The following EXOC6B variants were observed in gnomAD, a reference collection of about 807,000 sequenced individuals.
EXOC6B encodes exocyst complex component 6B.
Under a neutral mutation model 113.5 loss-of-function variants are expected in EXOC6B, and 54 were observed. The observed-to-expected ratio is 0.48, with a 90% confidence interval of 0.38 to 0.60. The LOEUF (loss-of-function observed/expected upper bound fraction) is 0.60. EXOC6B is among the 20% of genes least tolerant of loss of function. The probability of loss-of-function intolerance (pLI) is 0.00; values close to 1 mark genes in which losing one functional copy is unlikely to be tolerated. For missense variants in EXOC6B, 797 were observed against 977.5 expected (o/e 0.82, Z 2.46); for synonymous variants, 357 against 339.0 (o/e 1.05, Z -0.58).
intron 20 of EXOC6B, among the ~76,000 whole-genome samples, chr2:72,307,161 G>GTTTTTTTTTTTTTTTTTTTTTTTTTTTTT (rs1553371308): frequency 8.6e-5 from 11 of 128,484 alleles, no homozygotes; most frequent in African/African-American, 3.8e-4. Flanking sequence ...GTATAGTCCA[G>GTTTTTTTTTTTTTTTTTTTTTTTTTTTTT]TTTTTTTTTT....
chr2:72,366,626 C>T (rs1251675104), intron 19 of EXOC6B, among the ~76,000 whole-genome samples: 1 of 151,920 alleles, frequency 6.6e-6, no homozygotes, highest in Admixed American at 6.6e-5. Context: ...AAGAATCCCA[C>T]AGAAAAGACA....
chr2:72,397,655 T>TAA (rs1180249764), intron 18 of EXOC6B, among the ~76,000 whole-genome samples: 14 of 102,784 alleles, frequency 1.4e-4, no homozygotes, highest in African/African-American at 9.5e-4. Flanking sequence ...TAAAATAAAA[T>TAA]AAAATTATAT....
chr2:72,820,623 TC>T (rs1450247459), intron 1 of EXOC6B, among the ~76,000 whole-genome samples: 1 of 152,020 alleles, frequency 6.6e-6, no homozygotes, highest in Non-Finnish European at 1.5e-5. Flanking sequence ...CTAGCAAAAA[TC>T]ACATAAACTC....
chr2:72,324,869 T>C (rs1406983822), intron 20 of EXOC6B, among the ~76,000 whole-genome samples: 1 of 152,034 alleles, frequency 6.6e-6, no homozygotes, highest in Non-Finnish European at 1.5e-5. Context: ...TCTTTCTTCA[T>C]ACCTAAGGGG....
rs565236018 is a variant in EXOC6B, at chr2:72,378,259, C to A, written c.2122+1470G>T. On this transcript the variant is annotated intron_variant, in intron 19 of 21. Coordinates refer to ENST00000272427, the MANE Select transcript of EXOC6B (RefSeq NM_015189.3). ...CCAGTGCTGATTAATAGAACTACTT[C>A]TTTGAACAACTCCTTGCTCTCTGGT... Among the ~76,000 whole-genome samples the A allele has an allele frequency of 3.6e-4, 55 of 152,332 alleles. 1 individual carries two copies. In the South Asian group the frequency reaches 0.011, roughly 31 times the overall value.
chr2:72,322,004 T>C lies in EXOC6B; in HGVS notation c.2196+12943A>G, dbSNP rs1012357946. 4.6e-5 allele frequency among the ~76,000 whole-genome samples: 7 copies of C among 152,114 alleles called. No individual in the cohort carries two copies. The East Asian group carries it at 1.2e-3, about 25-fold the overall frequency. On this transcript the variant is annotated intron_variant, in intron 20 of 21. Coordinates refer to ENST00000272427, the MANE Select transcript of EXOC6B (RefSeq NM_015189.3). ...GAATGGAAAATGGTACTTTGTAAAA[T>C]AGTTGGACATTTAAAAAAATTAAGT...
At position 72,305,662 on chromosome 2, in the gene EXOC6B, A is replaced by G. The variant is rs146716716; in HGVS notation, c.2196+29285T>C. On this transcript the variant is annotated intron_variant, in intron 20 of 21. Transcript: ENST00000272427. Reference sequence around the variant, plus strand: ...GTCTCTGTTTCTTCACTAACAAGACACAGATAATAATAGCTACCTCATGGA... The same window carrying G: ...GTCTCTGTTTCTTCACTAACAAGACGCAGATAATAATAGCTACCTCATGGA... Among the ~76,000 whole-genome samples, 198 of 152,338 alleles carry G rather than the reference A, an allele frequency of 1.3e-3. 1 individual carries two copies. Among genetic ancestry groups the G allele is most frequent in the African/African-American group, 4.6e-3 (192 of 41,580 alleles).
At chr2:72,734,793 A>C (rs1448850328) in intron 2 of EXOC6B, among the ~76,000 whole-genome samples, 3 of 152,194 alleles carry the variant, frequency 2.0e-5, no homozygotes, top group Admixed American at 6.5e-5. Context: ...AGAAGTGAAC[A>C]CATTTGCAGA....
chr2:72,207,573 G>T (rs1679911155), intron 20 of EXOC6B, among the ~76,000 whole-genome samples: 1 of 152,170 alleles, frequency 6.6e-6, no homozygotes, highest in Non-Finnish European at 1.5e-5. Context: ...TGATGATAAG[G>T]ATGATAATGG....
chr2:72,726,617 C>T (rs1041954610), intron 5 of EXOC6B, among the ~76,000 whole-genome samples: 2 of 152,052 alleles, frequency 1.3e-5, no homozygotes, highest in Non-Finnish European at 2.9e-5. Context: ...ATGTGTGGCA[C>T]TACACTATAT....
intron 17 of EXOC6B, among the ~76,000 whole-genome samples, chr2:72,470,671 T>C (rs572728798): frequency 4.5e-4 from 64 of 140,698 alleles, no homozygotes; most frequent in African/African-American, 1.5e-3. Flanking sequence ...CCTGTGTCCA[T>C]GTGTTCTCAT....
chr2:72,318,398 A>ATTTTTT (rs558172381), intron 20 of EXOC6B, among the ~76,000 whole-genome samples: 166 of 146,578 alleles, frequency 1.1e-3, no homozygotes, highest in African/African-American at 3.9e-3. Context: ...CTAGTTGTTA[A>ATTTTTT]TTTTTTTTTT....
chr2:72,567,815 A>G (rs190183457), intron 7 of EXOC6B, among the ~76,000 whole-genome samples: 1 of 152,240 alleles, frequency 6.6e-6, no homozygotes, highest in Admixed American at 6.5e-5. Context: ...ATGTGCCCAT[A>G]CTAACACTAC....
chr2:72,301,805 G>A (rs1470203134), intron 20 of EXOC6B, among the ~76,000 whole-genome samples: 1 of 152,062 alleles, frequency 6.6e-6, no homozygotes. Flanking sequence ...TAGATTTGTT[G>A]ATCCTGTGAA....
intron 20 of EXOC6B, among the ~76,000 whole-genome samples, chr2:72,209,223 C>CAAAAAAAAAAA (rs1170760516): frequency 2.3e-4 from 13 of 57,092 alleles, no homozygotes; most frequent in East Asian, 1.0e-3. Flanking sequence ...AACTCAGTCT[C>CAAAAAAAAAAA]AAAAAAAAAA....
rs1456777530 is a variant in EXOC6B at position 72,465,168 on chromosome 2, G to A, written c.1972C>T (p.His658Tyr). The change falls in exon 18 of 22, where the codon CAC becomes TAC. Residue 658 changes from histidine (H) to tyrosine (Y), a missense_variant. Coordinates refer to ENST00000272427, the MANE Select transcript of EXOC6B (RefSeq NM_015189.3). ...FLRSTFAVFTHLPGKVAQTAC... is the reference protein window; with the variant it reads ...FLRSTFAVFTYLPGKVAQTAC... ...AAGCAACTGCCACTTACAGGAAGGT[G>A]TGTGAATACAGCAAAGGTGCTACGA... The A allele has an allele frequency of 6.2e-7, 1 of 1,610,322 alleles. No homozygotes were observed. Among genetic ancestry groups the A allele is most frequent in the African/African-American group, 1.3e-5 (1 of 74,886 alleles).
chr2:72,519,653 G>A (rs369763706), intron 8 of EXOC6B, among the ~76,000 whole-genome samples: 2 of 152,040 alleles, frequency 1.3e-5, no homozygotes, highest in African/African-American at 2.4e-5. Context: ...CTCAGTATTC[G>A]CTCACTCAGT....
intron 18 of EXOC6B, among the ~76,000 whole-genome samples, chr2:72,405,996 G>A (rs1022865498): frequency 2.0e-5 from 3 of 152,104 alleles, no homozygotes; most frequent in Non-Finnish European, 4.4e-5. Context: ...CAAAATAAAG[G>A]GATGGAGGAA....
intron 20 of EXOC6B, among the ~76,000 whole-genome samples, chr2:72,316,528 G>A (rs998846595): frequency 5.3e-5 from 8 of 152,146 alleles, no homozygotes; most frequent in African/African-American, 1.9e-4. Flanking sequence ...GCAAGGAGTA[G>A]GAGGAAAATG....
Sources: allele counts gnomAD v4.1 joint callset (sites outside exome capture counted in the v4.1 genomes callset), GRCh38; gene constraint gnomAD v4.1.1; transcripts MANE v1.5; gene names NCBI Gene and HGNC (gene_info 2026-07-23, HGNC 2026-07-21).